The following SLC24A2 variants were observed in gnomAD, a reference collection of about 807,000 sequenced individuals.
SLC24A2 encodes the protein sodium/potassium/calcium exchanger 2.
SLC24A2 carries 36 observed loss-of-function variants against 62.0 expected under a neutral mutation model. That is an observed-to-expected ratio of 0.58 (90% CI 0.44 to 0.77). SLC24A2 has a LOEUF of 0.77. Among genes scored for constraint, SLC24A2 ranks in the 30% least tolerant of loss-of-function variants. The pLI is 0.00. For missense variants in SLC24A2, 846 were observed against 817.9 expected, an observed-to-expected ratio of 1.03 and a Z score of -0.42; for synonymous variants, 358 against 294.0, an observed-to-expected ratio of 1.22 and a Z score of -2.23.
the SLC24A2 span, among the ~76,000 whole-genome samples, chr9:20,227,804 T>A: frequency 1.2e-4 from 18 of 152,174 alleles, no homozygotes; most frequent in South Asian, 3.5e-3. Flanking sequence ...ACCAACAAGG[T>A]CACATACACA....
the SLC24A2 span, among the ~76,000 whole-genome samples, chr9:20,235,826 G>A: frequency 1.3e-4 from 20 of 152,172 alleles, no homozygotes; most frequent in Admixed American, 2.6e-4. Flanking sequence ...TGTCGCTCAC[G>A]CTGGGAGCTG....
chr9:19,610,516 G>A (rs894588575), intron 4 of SLC24A2, among the ~76,000 whole-genome samples: 1 of 152,192 alleles, frequency 6.6e-6, no homozygotes, highest in Admixed American at 6.5e-5. Context: ...GCATTTGGAT[G>A]GAAGAGAGGA....
chr9:20,234,599 T>C, the SLC24A2 span, among the ~76,000 whole-genome samples: 1 of 152,254 alleles, frequency 6.6e-6, no homozygotes, highest in African/African-American at 2.4e-5. Context: ...AGGACTTCTC[T>C]GCATTGGTTA....
At chr9:20,284,549 G>T in the SLC24A2 span, among the ~76,000 whole-genome samples, 3 of 151,968 alleles carry the variant, frequency 2.0e-5, no homozygotes, top group African/African-American at 7.3e-5. Context: ...TTGTGGTATA[G>T]TCAAGCCAAT....
intron 2 of SLC24A2, among the ~76,000 whole-genome samples, chr9:19,691,825 G>A (rs1820054119): frequency 6.6e-6 from 1 of 152,118 alleles, no homozygotes; most frequent in Non-Finnish European, 1.5e-5. Flanking sequence ...GAACAAGGAT[G>A]AGGATAAAAG....
the SLC24A2 span, among the ~76,000 whole-genome samples, chr9:20,029,759 G>A: frequency 8.0e-4 from 122 of 152,300 alleles, 3 homozygotes; most frequent in South Asian, 0.025. Flanking sequence ...TTTGAACTCA[G>A]GCAATATGAG....
chr9:19,941,198 G>T, the SLC24A2 span, among the ~76,000 whole-genome samples: 1 of 152,124 alleles, frequency 6.6e-6, no homozygotes, highest in African/African-American at 2.4e-5. Context: ...CTGGAATGGG[G>T]AGAATTTTGC....
chr9:19,921,307 A>C, the SLC24A2 span, among the ~76,000 whole-genome samples: 1 of 151,990 alleles, frequency 6.6e-6, no homozygotes, highest in Admixed American at 6.6e-5. Context: ...GCGGATCATG[A>C]GGTCAGGAGA....
At chr9:19,788,813 G>C (rs573787808) in intron 1 of SLC24A2, 72 bp downstream of exon 1, 2 of 985,430 alleles carry the variant, frequency 2.0e-6, no homozygotes, top group South Asian at 4.7e-5. Flanking sequence ...AACGGGATGC[G>C]CGCAACCGGG....
At chr9:20,050,033 G>T in the SLC24A2 span, among the ~76,000 whole-genome samples, 1 of 152,034 alleles carries the variant, frequency 6.6e-6, no homozygotes, top group Non-Finnish European at 1.5e-5. Flanking sequence ...TCACCCTATG[G>T]ACTGGAGCAG....
chr9:19,914,172 A>G, the SLC24A2 span, among the ~76,000 whole-genome samples: 3 of 151,964 alleles, frequency 2.0e-5, no homozygotes, highest in African/African-American at 7.2e-5. Flanking sequence ...CCTTACTTTT[A>G]TCTTGTCCAG....
intron 2 of SLC24A2, among the ~76,000 whole-genome samples, chr9:19,648,344 A>G (rs1364547758): frequency 6.6e-6 from 1 of 152,232 alleles, no homozygotes; most frequent in African/African-American, 2.4e-5. Flanking sequence ...TCAGAGAGGT[A>G]GCAGGAGATT....
the SLC24A2 span, among the ~76,000 whole-genome samples, chr9:20,105,600 T>A: frequency 6.6e-6 from 1 of 152,014 alleles, no homozygotes; most frequent in African/African-American, 2.4e-5. Flanking sequence ...GAATGACTAC[T>A]GGGTACATAA....
the SLC24A2 span, among the ~76,000 whole-genome samples, chr9:19,962,831 C>G: frequency 6.6e-6 from 1 of 152,112 alleles, no homozygotes; most frequent in Non-Finnish European, 1.5e-5. Flanking sequence ...TCCTCTTTTC[C>G]TAATTGAATA....
intron 4 of SLC24A2, among the ~76,000 whole-genome samples, chr9:19,617,831 T>C (rs1817809090): frequency 1.3e-5 from 2 of 152,184 alleles, no homozygotes; most frequent in Admixed American, 1.3e-4. Context: ...CTGATTTACT[T>C]TTTAAGAAGA....
chr9:20,020,575 G>A, the SLC24A2 span, among the ~76,000 whole-genome samples: 4 of 152,228 alleles, frequency 2.6e-5, no homozygotes, highest in Non-Finnish European at 5.9e-5. Context: ...CTGTCAGCAG[G>A]TGGGGGGCTA....
chr9:19,611,977 C>G (rs1410144782), intron 4 of SLC24A2, among the ~76,000 whole-genome samples: 1 of 152,144 alleles, frequency 6.6e-6, no homozygotes, highest in African/African-American at 2.4e-5. Flanking sequence ...CTCTGACAAC[C>G]TGCATTAAAA....
intron 2 of SLC24A2, among the ~76,000 whole-genome samples, chr9:19,703,164 C>A (rs949504363): frequency 6.6e-6 from 1 of 152,052 alleles, no homozygotes; most frequent in East Asian, 1.9e-4. Context: ...TACATTGAGA[C>A]TTTTGGTGAA....
chr9:20,026,761 C>T, the SLC24A2 span, among the ~76,000 whole-genome samples: 1 of 152,116 alleles, frequency 6.6e-6, no homozygotes, highest in Non-Finnish European at 1.5e-5. Context: ...TGACATTGGT[C>T]TGGGCAATGA....
Sources: allele counts gnomAD v4.1 joint callset (sites outside exome capture counted in the v4.1 genomes callset), GRCh38; gene constraint gnomAD v4.1.1; transcripts MANE v1.5; gene names NCBI Gene and HGNC (gene_info 2026-07-23, HGNC 2026-07-21).